FNBP4: variants seen among roughly 807,000 people sequenced by gnomAD.
FNBP4 encodes the protein formin binding protein 4.
In FNBP4, 34 loss-of-function variants were observed where a neutral mutation model predicts 119.3. The observed-to-expected ratio is 0.28, with a 90% CI of 0.22 to 0.38. The LOEUF (loss-of-function observed/expected upper bound fraction) is 0.38, where lower values mean the gene tolerates loss of function less well. FNBP4 is among the 10% of genes least tolerant of loss of function. FNBP4 has a pLI of 1.00. For missense variants in FNBP4, 1,112 were observed against 1,228.9 expected, an observed-to-expected ratio of 0.90 and a Z score of 1.42; for synonymous variants, 462 against 430.6, an observed-to-expected ratio of 1.07 and a Z score of -0.90.
chr11:47,757,690 C>T (rs1002069226), intron 2 of FNBP4, among the ~76,000 whole-genome samples: 2 of 151,254 alleles, frequency 1.3e-5, no homozygotes, highest in Admixed American at 6.6e-5. Context: ...GATGGGGTTT[C>T]GCTATGTTGG....
At chr11:47,756,894 A>G (rs1019222632) in intron 2 of FNBP4, among the ~76,000 whole-genome samples, 1 of 152,114 alleles carries the variant, frequency 6.6e-6, no homozygotes, top group Non-Finnish European at 1.5e-5. Context: ...TTATGGCTGC[A>G]TAGTATTCTA....
intron 16 of FNBP4, among the ~76,000 whole-genome samples, chr11:47,718,301 C>T (rs1599149685): frequency 6.6e-6 from 1 of 151,954 alleles, no homozygotes; most frequent in Admixed American, 6.6e-5. Flanking sequence ...GCAACCTCTG[C>T]CTCCTAGGTC....
chr11:47,757,301 G>A (rs569041408), intron 2 of FNBP4, among the ~76,000 whole-genome samples: 43 of 152,202 alleles, frequency 2.8e-4, no homozygotes, highest in African/African-American at 9.4e-4. Flanking sequence ...TACAAGCTCT[G>A]CCTCTCAGGT....
At chr11:47,753,227 C>T in intron 3 of FNBP4, 125 bp from the exon 4 acceptor site, 1 of 661,290 alleles carries the variant, frequency 1.5e-6, no homozygotes, top group Non-Finnish European at 2.4e-6. Context: ...ACAGTTCCAG[C>T]ACTTTGGGAG....
At chr11:47,748,303 T>C (rs2097594967) in intron 6 of FNBP4, among the ~76,000 whole-genome samples, 1 of 151,664 alleles carries the variant, frequency 6.6e-6, no homozygotes, top group African/African-American at 2.4e-5. Context: ...AATGAACTAT[T>C]CCTGAAATGA....
chr11:47,758,385 C>A (rs1320985742), intron 2 of FNBP4, among the ~76,000 whole-genome samples: 8 of 152,126 alleles, frequency 5.3e-5, no homozygotes, highest in Admixed American at 3.3e-4. Flanking sequence ...ATTTTTTAAG[C>A]ACACAAAAGG....
chr11:47,765,249 AAAAAC>A lies in FNBP4; in HGVS notation c.313+16_313+20del. ...TGAAAGACGTGGGAGAAAAAATGTA[AAAAAC>A]AAAACAAAAGCATACCTGTTGCTTT... On this transcript the variant is annotated intron_variant, in intron 2 of 16. Coordinates refer to ENST00000263773, the MANE Select transcript of FNBP4 (RefSeq NM_015308.5). The A allele has an allele frequency of 2.6e-6, 4 of 1,557,052 alleles. No homozygotes were observed. Among genetic ancestry groups the A allele is most frequent in the East Asian group, 2.2e-5 (1 of 44,514 alleles).
chr11:47,743,927 GA>G (rs770320279), intron 8 of FNBP4, 25 bp downstream of exon 8: 6 of 1,600,750 alleles, frequency 3.7e-6, no homozygotes, highest in Non-Finnish European at 5.1e-6. Flanking sequence ...TTTCAACTCT[GA>G]AGTTTAATGT....
intron 5 of FNBP4, 36 bp downstream of exon 5, chr11:47,751,107 C>T (rs1415423819): frequency 6.2e-7 from 1 of 1,613,210 alleles, no homozygotes; most frequent in East Asian, 2.2e-5. Flanking sequence ...GCTTCAATTT[C>T]CTTCTAGGCA....
intron 3 of FNBP4, 138 bp from the exon 4 acceptor site, chr11:47,753,240 T>A (rs2097607906): frequency 1.7e-6 from 1 of 573,020 alleles, no homozygotes; most frequent in Non-Finnish European, 3.0e-6. Context: ...TTTGGGAGGC[T>A]GAGACAGGTG....
chr11:47,761,764 T>G (rs1418189217), intron 2 of FNBP4, among the ~76,000 whole-genome samples: 3 of 151,990 alleles, frequency 2.0e-5, no homozygotes, highest in African/African-American at 7.2e-5. Context: ...GAAAAAAAAT[T>G]TTATTAAAAA....
At chr11:47,751,974 T>C (rs1309178025) in intron 4 of FNBP4, among the ~76,000 whole-genome samples, 2 of 151,604 alleles carry the variant, frequency 1.3e-5, no homozygotes, top group Non-Finnish European at 2.9e-5. Context: ...AAAAAAGCAG[T>C]TTGCTGGTCC....
chr11:47,738,315 C>T (rs1443995911), intron 8 of FNBP4, among the ~76,000 whole-genome samples: 1 of 152,082 alleles, frequency 6.6e-6, no homozygotes, highest in Admixed American at 6.6e-5. Context: ...GCCTGTAATC[C>T]CAGCACTTTG....
Position 47,750,946 on chromosome 11 carries a change from T to C in FNBP4, c.876A>G (p.Gly292=), listed in dbSNP as rs758776637. The C allele has an allele frequency of 1.2e-6, 2 of 1,614,046 alleles. No homozygotes were observed. Among genetic ancestry groups the C allele is most frequent in the Non-Finnish European group, 1.7e-6 (2 of 1,179,996 alleles). The change falls in exon 6 of 17, where the codon GGA becomes GGG. Residue 292 remains glycine (G), a synonymous_variant. Coordinates refer to ENST00000263773, the MANE Select transcript of FNBP4 (RefSeq NM_015308.5). The part of the protein sequence containing the change: ...KTISVSSSKS[G]PVIAKREVKK... Reference sequence around the variant, plus strand: ...TAACTTCTCGCTTGGCTATGACTGGTCCACTTTTACTACTGGAAACAGAAA... The same window carrying C: ...TAACTTCTCGCTTGGCTATGACTGGCCCACTTTTACTACTGGAAACAGAAA...
At chr11:47,729,926 T>C in intron 12 of FNBP4, 1 of 985,436 alleles carries the variant, frequency 1.0e-6, no homozygotes, top group Non-Finnish European at 1.2e-6. Context: ...ATAACCTGTT[T>C]TATCAGTGGC....
In FNBP4 at chr11:47,724,673, G is replaced by T; in HGVS notation, c.2114C>A (p.Pro705His). The change falls in exon 13 of 17, where the codon CCT becomes CAT. Residue 705 changes from proline (P) to histidine (H), a missense_variant. This residue lies in a region of FNBP4 where 826 missense variants were observed against 988.8 expected (regional missense o/e 0.84). Transcript: ENST00000263773. ...TGGTGGCATTTCCAAGGGTAATGGA[G>T]GTTGAAGCACAGGAACATTTGACTG... ...LLQSNVPVLQ[P>H]PLPLEMPPPP... is the part of the protein sequence containing the mutation. 6.2e-7 allele frequency: 1 copy of T among 1,614,080 alleles called. No individual in the cohort carries two copies. The highest frequency in any genetic ancestry group is 8.5e-7 in the Non-Finnish European group (1 of 1,180,020).
rs756522965 is a variant in FNBP4 at position 47,736,609 on chromosome 11, T to C, written c.1581+7A>G. 5 of 1,579,178 alleles carry C rather than the reference T, an allele frequency of 3.2e-6. No homozygotes were observed. Among genetic ancestry groups the C allele is most frequent in the East Asian group, 2.2e-5 (1 of 44,514 alleles). On this transcript the variant is annotated splice_region_variant and intron_variant, in intron 9 of 16. Coordinates refer to ENST00000263773, the MANE Select transcript of FNBP4 (RefSeq NM_015308.5). ...ATTTGTCAAGTTGCATTAAGTAATA[T>C]ACATACTTTCAAATCCTGTTCTTCT...
rs746690155 is a variant in FNBP4 at position 47,746,421 on chromosome 11, C to T, written c.907-27G>A. 4 of 1,534,232 alleles carry T rather than the reference C, an allele frequency of 2.6e-6. No individual in the cohort carries two copies. The South Asian group carries it at 5.0e-5, about 19-fold the overall frequency. Reference sequence around the variant, plus strand: ...TATAAAGAACAAAATAATTTAGTCTCATTTAATTCTGAAACAAATCTCACC... The same window carrying T: ...TATAAAGAACAAAATAATTTAGTCTTATTTAATTCTGAAACAAATCTCACC... On this transcript the variant is annotated intron_variant, in intron 6 of 16. Coordinates refer to ENST00000263773, the MANE Select transcript of FNBP4 (RefSeq NM_015308.5).
In FNBP4 at chr11:47,740,961, TCAC is replaced by T. The variant is rs557505334; in HGVS notation, c.1456+2989_1456+2991del. ...TGGAGTGCAGTGGTGCCATCTCAGC[TCAC>T]CACAACCTCCACCTCCCCAGTTCAA... On this transcript the variant is annotated intron_variant, in intron 8 of 16. Coordinates refer to ENST00000263773, the MANE Select transcript of FNBP4 (RefSeq NM_015308.5). 6.0e-5 allele frequency among the ~76,000 whole-genome samples: 9 copies of T among 150,452 alleles called. No individual in the cohort carries two copies. The South Asian group carries it at 1.9e-3, about 31-fold the overall frequency.
Sources: gnomAD v4.1 joint callset for allele counts (sites outside exome capture counted in the v4.1 genomes callset) on GRCh38, gnomAD v4.1.1 for gene constraint, gnomAD v4.1.1 regional missense constraint, MANE v1.5 for transcripts, NCBI Gene and HGNC (gene_info 2026-07-23, HGNC 2026-07-21) for gene names.